The following ARHGEF38 variants were observed in gnomAD, a reference collection of about 807,000 sequenced individuals.
The protein encoded by ARHGEF38 is Rho guanine nucleotide exchange factor 38.
A neutral mutation model predicts 79.9 loss-of-function variants in ARHGEF38; 79 were observed. The observed-to-expected ratio is 0.99, with a 90% CI of 0.82 to 1.19. The LOEUF (loss-of-function observed/expected upper bound fraction) is 1.19, where lower values mean the gene tolerates loss of function less well. ARHGEF38 is among the 50% of genes most tolerant of loss of function. The pLI is 0.00. For missense variants in ARHGEF38, 962 were observed against 907.2 expected (o/e 1.06, Z -0.78); for synonymous variants, 366 against 328.3 (o/e 1.11, Z -1.24).
chr4:105,672,798 A>C (rs1162750767), intron 13 of ARHGEF38, among the ~76,000 whole-genome samples: 2 of 152,142 alleles, frequency 1.3e-5, no homozygotes, highest in Non-Finnish European at 2.9e-5. Flanking sequence ...GGCAGAATTA[A>C]ATTTCTTGTT....
chr4:105,619,871 A>C (rs141177901), intron 3 of ARHGEF38, among the ~76,000 whole-genome samples: 3,630 of 152,266 alleles, frequency 0.024, 52 homozygotes, highest in African/African-American at 0.043. Context: ...ATTGTTGGTG[A>C]GATGTTTCCA....
intron 3 of ARHGEF38, among the ~76,000 whole-genome samples, chr4:105,626,760 G>A (rs779628305): frequency 6.6e-6 from 1 of 151,866 alleles, no homozygotes; most frequent in Non-Finnish European, 1.5e-5. Context: ...ATCCATCGGT[G>A]CTTCACCATC....
chr4:105,606,423 G>C (rs1004916013), intron 2 of ARHGEF38, among the ~76,000 whole-genome samples: 8 of 151,988 alleles, frequency 5.3e-5, no homozygotes, highest in Non-Finnish European at 1.2e-4. Flanking sequence ...ATCAAATTAA[G>C]AGCCCAAAAA....
intron 2 of ARHGEF38, among the ~76,000 whole-genome samples, chr4:105,601,156 G>A (rs1727805220): frequency 6.6e-6 from 1 of 152,030 alleles, no homozygotes; most frequent in Non-Finnish European, 1.5e-5. Flanking sequence ...GACCTACAAG[G>A]TCCTACAGGG....
chr4:105,568,222 A>G (rs1202695679), intron 1 of ARHGEF38, among the ~76,000 whole-genome samples: 1 of 152,130 alleles, frequency 6.6e-6, no homozygotes, highest in Non-Finnish European at 1.5e-5. Flanking sequence ...TTATGCAGCC[A>G]AAAAACATAT....
chr4:105,666,143 T>C (rs1244831912), intron 10 of ARHGEF38, 34 bp from the exon 11 acceptor site: 1 of 1,490,906 alleles, frequency 6.7e-7, no homozygotes. Flanking sequence ...TATCTAGGTG[T>C]CTGGAAACAA....
At chr4:105,663,782 CAACATGGCG>C (rs1220963606) in intron 10 of ARHGEF38, among the ~76,000 whole-genome samples, 10 of 152,136 alleles carry the variant, frequency 6.6e-5, no homozygotes, top group Non-Finnish European at 1.3e-4. Context: ...CCAGCCTAGC[CAACATGGCG>C]AAACCTTGTC....
chr4:105,594,762 C>T (rs1212179879), intron 2 of ARHGEF38, among the ~76,000 whole-genome samples: 4 of 152,184 alleles, frequency 2.6e-5, no homozygotes, highest in Non-Finnish European at 5.9e-5. Flanking sequence ...AACTTCAAGG[C>T]TTTTCTATGT....
chr4:105,631,158 C>T, intron 4 of ARHGEF38, 113 bp downstream of exon 4: 1 of 1,362,188 alleles, frequency 7.3e-7, no homozygotes, highest in South Asian at 2.3e-5. Flanking sequence ...ATGAGACTTG[C>T]TGGGAGCTCT....
intron 13 of ARHGEF38, among the ~76,000 whole-genome samples, chr4:105,669,048 G>T (rs115385941): frequency 0.034 from 5,102 of 152,014 alleles, 237 homozygotes; most frequent in African/African-American, 0.11. Context: ...CCTGTCTTTA[G>T]AAATAATAAT....
intron 1 of ARHGEF38, among the ~76,000 whole-genome samples, chr4:105,571,628 A>T (rs948069808): frequency 2.0e-5 from 3 of 152,096 alleles, no homozygotes; most frequent in African/African-American, 7.2e-5. Flanking sequence ...CTGCCTGCTC[A>T]TGCCTCTTCA....
Position 105,565,318 on chromosome 4 carries a change from T to C in ARHGEF38, c.196+12357T>C, listed in dbSNP as rs557405304. ...CTGACATGCAATTATTTTCAACCTA[T>C]TTCACAGAAGTCTGCTCCATTCATC... On this transcript the variant is annotated intron_variant, in intron 1 of 13. Coordinates refer to ENST00000420470, the MANE Select transcript of ARHGEF38 (RefSeq NM_001242729.2). 9.2e-5 allele frequency among the ~76,000 whole-genome samples: 14 copies of C among 152,328 alleles called. No homozygotes were observed. In the South Asian group the frequency reaches 2.5e-3, roughly 27 times the overall value.
intron 5 of ARHGEF38, among the ~76,000 whole-genome samples, chr4:105,639,262 TTTAA>T (rs1729523504): frequency 6.6e-6 from 1 of 152,086 alleles, no homozygotes; most frequent in African/African-American, 2.4e-5. Flanking sequence ...GTAATGTCTC[TTTAA>T]TTAGTGCATA....
intron 2 of ARHGEF38, among the ~76,000 whole-genome samples, chr4:105,610,297 G>T (rs767161764): frequency 4.6e-5 from 7 of 151,924 alleles, no homozygotes; most frequent in African/African-American, 1.7e-4. Context: ...TGACAAACCT[G>T]CATGTTATGC....
At chr4:105,629,354 T>A (rs1367059881) in intron 3 of ARHGEF38, among the ~76,000 whole-genome samples, 11 of 152,226 alleles carry the variant, frequency 7.2e-5, no homozygotes, top group Admixed American at 7.2e-4. Context: ...CATTTATTTG[T>A]TTCAAATTCA....
intron 9 of ARHGEF38, among the ~76,000 whole-genome samples, chr4:105,657,974 G>A (rs1730406107): frequency 6.6e-6 from 1 of 152,088 alleles, no homozygotes; most frequent in African/African-American, 2.4e-5. Flanking sequence ...ATGATAAAGG[G>A]TAAAGTAGGG....
chr4:105,631,302 A>G, intron 4 of ARHGEF38: 5 of 1,107,814 alleles, frequency 4.5e-6, no homozygotes, highest in Non-Finnish European at 5.5e-6. Flanking sequence ...CAATATCAAA[A>G]TATAAAATGT....
In ARHGEF38 at chr4:105,654,166, A is replaced by G; in HGVS notation, c.1110A>G (p.Ile370Met). 1 of 1,472,332 alleles carries G rather than the reference A, an allele frequency of 6.8e-7. No individual in the cohort carries two copies. Among genetic ancestry groups the G allele is most frequent in the Non-Finnish European group, 9.1e-7 (1 of 1,104,082 alleles). The allele number at this position is 1,472,332 out of a possible 1,614,324, so 91.2% of individuals were successfully genotyped here. A position where few individuals can be genotyped will look rare whatever the true frequency, so the allele number is the denominator to read the frequency against. Residue 370 changes from isoleucine (I) to methionine (M), a missense_variant, in exon 8 of 14, where the codon ATA becomes ATG. By Grantham distance (10) the Ile-to-Met change is conservative. Coordinates refer to ENST00000420470, the MANE Select transcript of ARHGEF38 (RefSeq NM_001242729.2). ...VKNISLCLQHIQDAMPLALQS... is the reference protein window; with the variant it reads ...VKNISLCLQHMQDAMPLALQS... ...ACATTTCACTCTGTCTTCAACACATACAGGTAGGTGAGACACAACTGTTTT... is the reference window on the plus strand; with the variant it reads ...ACATTTCACTCTGTCTTCAACACATGCAGGTAGGTGAGACACAACTGTTTT...
At chr4:105,668,710 T>C (rs561945702) in intron 13 of ARHGEF38, among the ~76,000 whole-genome samples, 1 of 151,390 alleles carries the variant, frequency 6.6e-6, no homozygotes, top group Admixed American at 6.6e-5. Flanking sequence ...AGATAGATGA[T>C]AGATAGATAG....
Sources: allele counts gnomAD v4.1 joint callset (sites outside exome capture counted in the v4.1 genomes callset), GRCh38; gene constraint gnomAD v4.1.1; transcripts MANE v1.5; gene names NCBI Gene and HGNC (gene_info 2026-07-23, HGNC 2026-07-21).